SORCS3: variants seen among roughly 807,000 people sequenced by gnomAD.
SORCS3 encodes sortilin related VPS10 domain containing receptor 3.
Under a neutral mutation model 146.3 loss-of-function variants are expected in SORCS3, and 57 were observed. The observed-to-expected ratio is 0.39, with a 90% CI of 0.31 to 0.49. The LOEUF (loss-of-function observed/expected upper bound fraction) is 0.49. Among genes scored for constraint, SORCS3 ranks in the 20% least tolerant of loss-of-function variants. The pLI, the probability that SORCS3 is intolerant of heterozygous loss-of-function variation, is 0.92. For synonymous variants in SORCS3, 653 were observed against 618.5 expected (o/e 1.06, Z -0.83); for missense variants, 1,341 against 1,575.5 (o/e 0.85, Z 2.52).
At chr10:104,828,589 G>A (rs150838233) in intron 1 of SORCS3, among the ~76,000 whole-genome samples, 314 of 152,270 alleles carry the variant, frequency 2.1e-3, no homozygotes, top group African/African-American at 7.1e-3. Context: ...GGGACACAAG[G>A]TGGGCACATG....
chr10:104,916,862 G>A lies in SORCS3; in HGVS notation c.795+930G>A, dbSNP rs189245156. Among the ~76,000 whole-genome samples the A allele has an allele frequency of 7.2e-5, 11 of 152,304 alleles. No individual in the cohort carries two copies. The East Asian group carries it at 2.1e-3, about 29-fold the overall frequency. ...TTTCTTCCTCAAGGTAAGCTCAGGA[G>A]CAAGCTTCAAACCATTGTGCGGATG... is the stretch of plus-strand genomic sequence containing the variant. On this transcript the variant is annotated intron_variant, in intron 3 of 26. Transcript: ENST00000369701.
chr10:104,817,086 G>A (rs1303401299), intron 1 of SORCS3, among the ~76,000 whole-genome samples: 1 of 152,114 alleles, frequency 6.6e-6, no homozygotes, highest in Non-Finnish European at 1.5e-5. Context: ...CCAACACCCA[G>A]ACAGCCTCAG....
At chr10:104,797,989 T>C (rs2017577324) in intron 1 of SORCS3, among the ~76,000 whole-genome samples, 1 of 152,150 alleles carries the variant, frequency 6.6e-6, no homozygotes, top group Non-Finnish European at 1.5e-5. Context: ...CCCAGAAGTG[T>C]TGTTAGTCAT....
intron 1 of SORCS3, among the ~76,000 whole-genome samples, chr10:104,757,066 G>GTT (rs35550035): frequency 2.6e-4 from 22 of 83,964 alleles, no homozygotes; most frequent in African/African-American, 6.0e-4. Context: ...CAAGTTAAGG[G>GTT]TTTTTTTTTT....
At chr10:105,083,876 T>C (rs187221269) in intron 5 of SORCS3, among the ~76,000 whole-genome samples, 1 of 152,308 alleles carries the variant, frequency 6.6e-6, no homozygotes, top group Non-Finnish European at 1.5e-5. Flanking sequence ...CAATGAGGCA[T>C]GATGTTTATG....
At chr10:105,078,316 C>T (rs2055601821) in intron 5 of SORCS3, among the ~76,000 whole-genome samples, 1 of 151,938 alleles carries the variant, frequency 6.6e-6, no homozygotes, top group Admixed American at 6.6e-5. Flanking sequence ...GTGCTAGGCA[C>T]TAGAAGAAAA....
chr10:104,955,706 T>C (rs1438004822), intron 3 of SORCS3, among the ~76,000 whole-genome samples: 3 of 152,108 alleles, frequency 2.0e-5, no homozygotes, highest in Non-Finnish European at 4.4e-5. Flanking sequence ...AAGAACAATC[T>C]CAAAATTCTG....
rs7086066 is a variant in SORCS3 at position 104,652,024 on chromosome 10, T to A, written c.627+10070T>A. ...TCTTTCATGGTTTCCCAGAGCTCCC[T>A]GTGGGATTAAACCCCAGTTTTAAAT... On this transcript the variant is annotated intron_variant, in intron 1 of 26. Transcript: ENST00000369701. Among the ~76,000 whole-genome samples, 745 of 152,020 alleles carry A rather than the reference T, an allele frequency of 4.9e-3. 5 individuals carry two copies. The highest frequency in any genetic ancestry group is 0.017 in the African/African-American group (715 of 41,458).
In SORCS3 at chr10:104,782,505, G is replaced by C. The variant is rs570538361; in HGVS notation, c.628-60287G>C. 7.5e-4 allele frequency among the ~76,000 whole-genome samples: 114 copies of C among 152,350 alleles called. 1 individual carries two copies. The highest frequency in any genetic ancestry group is 2.7e-3 in the African/African-American group (112 of 41,584). ...TAAGATTGCAAAGATGTCTAGTCTAGTTCATCTTTCTTATCAGTGCAGTAA... is the reference window on the plus strand; with the variant it reads ...TAAGATTGCAAAGATGTCTAGTCTACTTCATCTTTCTTATCAGTGCAGTAA... On this transcript the variant is annotated intron_variant, in intron 1 of 26. Coordinates refer to ENST00000369701, the MANE Select transcript of SORCS3 (RefSeq NM_014978.3).
At chr10:105,229,514 G>A (rs1309536549) in intron 20 of SORCS3, among the ~76,000 whole-genome samples, 1 of 152,150 alleles carries the variant, frequency 6.6e-6, no homozygotes, top group Non-Finnish European at 1.5e-5. Flanking sequence ...TGTAGGGAGG[G>A]ACTTTTTCCT....
chr10:104,725,362 C>T (rs945463164), intron 1 of SORCS3, among the ~76,000 whole-genome samples: 2 of 152,194 alleles, frequency 1.3e-5, no homozygotes, highest in African/African-American at 4.8e-5. Context: ...AGTACCCGGG[C>T]ATGTGAGGTG....
chr10:104,677,536 T>C (rs2015925149), intron 1 of SORCS3, among the ~76,000 whole-genome samples: 1 of 152,152 alleles, frequency 6.6e-6, no homozygotes, highest in Non-Finnish European at 1.5e-5. Context: ...GGTGCATTTG[T>C]TGTGTGGCAG....
chr10:104,912,571 T>A (rs1014775402), intron 2 of SORCS3, among the ~76,000 whole-genome samples: 10 of 152,254 alleles, frequency 6.6e-5, no homozygotes, highest in Admixed American at 6.5e-4. Flanking sequence ...GTGTGTTGAA[T>A]TACCACTAGA....
At chr10:104,940,864 C>T (rs957187570) in intron 3 of SORCS3, among the ~76,000 whole-genome samples, 3 of 152,138 alleles carry the variant, frequency 2.0e-5, no homozygotes. Context: ...CAATGACTTT[C>T]TTCACAGAAT....
chr10:105,184,787 C>T (rs2119577468), intron 14 of SORCS3, among the ~76,000 whole-genome samples: 1 of 152,246 alleles, frequency 6.6e-6, no homozygotes. Flanking sequence ...CAAAAATTAC[C>T]TTTTGTTCTT....
chr10:105,135,778 G>A (rs2056054885), intron 7 of SORCS3, among the ~76,000 whole-genome samples: 1 of 152,160 alleles, frequency 6.6e-6, no homozygotes, highest in African/African-American at 2.4e-5. Flanking sequence ...CCGCTTTATA[G>A]CAAGGATGAC....
intron 13 of SORCS3, among the ~76,000 whole-genome samples, chr10:105,172,047 A>T (rs55780851): frequency 0.027 from 4,079 of 152,198 alleles, 81 homozygotes; most frequent in South Asian, 0.062. Flanking sequence ...TGTTAGAAAG[A>T]TTGTTTTTCA....
At chr10:104,944,612 A>C (rs1000991581) in intron 3 of SORCS3, among the ~76,000 whole-genome samples, 2 of 152,202 alleles carry the variant, frequency 1.3e-5, no homozygotes. Flanking sequence ...AAACTAGCTC[A>C]ATTTCCTTTG....
chr10:104,701,847 C>T (rs934847451), intron 1 of SORCS3, among the ~76,000 whole-genome samples: 1 of 152,026 alleles, frequency 6.6e-6, no homozygotes, highest in African/African-American at 2.4e-5. Context: ...TTATCCTTTC[C>T]AGCACTCTGA....
Sources: allele counts gnomAD v4.1 joint callset (sites outside exome capture counted in the v4.1 genomes callset), GRCh38; gene constraint gnomAD v4.1.1; transcripts MANE v1.5; gene names NCBI Gene and HGNC (gene_info 2026-07-23, HGNC 2026-07-21).